The following LRRK1 variants were observed in gnomAD, a reference collection of about 807,000 sequenced individuals.
LRRK1 encodes leucine-rich repeat serine/threonine-protein kinase 1.
A neutral mutation model predicts 209.1 loss-of-function variants in LRRK1; 113 were observed. The observed-to-expected ratio is 0.54, with a 90% CI of 0.46 to 0.63. LRRK1 has a LOEUF of 0.63. Among genes scored for constraint, LRRK1 ranks in the 30% least tolerant of loss-of-function variants. LRRK1 has a pLI of 0.00. For synonymous variants in LRRK1, 1,144 were observed against 1,099.7 expected (o/e 1.04, Z -0.80); for missense variants, 2,284 against 2,632.2 (o/e 0.87, Z 2.89).
rs145072406 is a variant in LRRK1, at chr15:100,989,357, A to C, written c.721A>C (p.Ile241Leu). 1.0e-4 allele frequency: 166 copies of C among 1,614,238 alleles called. No individual in the cohort carries two copies. In the African/African-American group the frequency reaches 2.0e-3, roughly 20 times the overall value. Residue 241 changes from isoleucine to leucine, a missense_variant, in exon 6 of 34, where the codon ATT (isoleucine) becomes CTT (leucine). This residue lies in a region of LRRK1 where 494 missense variants were observed against 522.1 expected (regional missense o/e 0.95). Coordinates refer to ENST00000388948, the MANE Select transcript of LRRK1 (RefSeq NM_024652.6). ...PSKHLLRKYF[I>L]EASPLPSSYP... ...CAAACATCTGCTGAGAAAGTACTTCATTGAAGCCAGTCCCTTGCCCAGCAG... is the reference window on the plus strand; with the variant it reads ...CAAACATCTGCTGAGAAAGTACTTCCTTGAAGCCAGTCCCTTGCCCAGCAG...
At position 101,077,040 on chromosome 15, in the gene LRRK1, AG is replaced by A. The variant is rs1428087815; in HGVS notation, c.*8194del. 2 of 152,196 alleles carry A rather than the reference AG, an allele frequency of 1.3e-5. No individual in the cohort carries two copies. The highest frequency in any genetic ancestry group is 2.4e-5 in the African/African-American group (1 of 41,444). The allele number at this position is 152,196 out of a possible 1,614,324, so 9.4% of individuals were successfully genotyped here. On this transcript the variant is annotated 3_prime_UTR_variant, in exon 34 of 34. Coordinates refer to ENST00000388948, the MANE Select transcript of LRRK1 (RefSeq NM_024652.6). The stretch of plus-strand genomic sequence containing the variant: ...ATATCCCTTACAGTCCTCAGCCTTC[AG>A]GAAAGGTAGAACGGACTAATGATCT...
At chr15:101,047,791 G>A (rs1475617640) in intron 21 of LRRK1, among the ~76,000 whole-genome samples, 2 of 152,174 alleles carry the variant, frequency 1.3e-5, no homozygotes, top group African/African-American at 2.4e-5. Context: ...GCTTTAAAAC[G>A]ATCAGACCCT....
rs765824865 is a variant in LRRK1 at position 101,065,825 on chromosome 15, C to T, written c.5388C>T (p.Pro1796=). The T allele has an allele frequency of 6.2e-7, 1 of 1,613,956 alleles. No homozygotes were observed. Among genetic ancestry groups the T allele is most frequent in the African/African-American group, 1.3e-5 (1 of 74,916 alleles). ...MFPVRPLDTE[P]PAASHTANPK... ...CCGTGCGGCCCTTGGACACGGAACC[C>T]CCGGCAGCCAGCCACACGGCCAACC... Residue 1796 remains proline (P), a synonymous_variant, in exon 32 of 34, where the codon CCC becomes CCT. Transcript: ENST00000388948.
At chr15:101,015,988 CTTT>C (rs112045047) in intron 12 of LRRK1, among the ~76,000 whole-genome samples, 1 of 143,290 alleles carries the variant, frequency 7.0e-6, no homozygotes, top group Non-Finnish European at 1.5e-5. Flanking sequence ...TCTTCCTCTT[CTTT>C]TTTTTTTTTT....
chr15:101,066,253 C>T (rs1251323897), intron 32 of LRRK1, 48 bp downstream of exon 32: 2 of 1,556,634 alleles, frequency 1.3e-6, no homozygotes, highest in Non-Finnish European at 8.7e-7. Flanking sequence ...CCCACTGCTC[C>T]TGCTCTGGGG....
At chr15:100,975,834 A>G (rs2141656029) in intron 3 of LRRK1, among the ~76,000 whole-genome samples, 1 of 152,324 alleles carries the variant, frequency 6.6e-6, no homozygotes, top group South Asian at 2.1e-4. Context: ...ATGAAACTGT[A>G]AAAATAATTT....
intron 3 of LRRK1, among the ~76,000 whole-genome samples, chr15:100,977,690 C>T (rs1206153175): frequency 6.6e-6 from 1 of 152,182 alleles, no homozygotes; most frequent in Non-Finnish European, 1.5e-5. Context: ...GATTTCCACC[C>T]CACCAGGCAG....
chr15:100,990,188 G>A (rs1444266743), intron 6 of LRRK1, among the ~76,000 whole-genome samples: 1 of 151,970 alleles, frequency 6.6e-6, no homozygotes, highest in African/African-American at 2.4e-5. Context: ...CTTCAACTTG[G>A]CTTTTTAAAT....
intron 32 of LRRK1, 37 bp downstream of exon 32, chr15:101,066,242 G>A (rs747218357): frequency 6.4e-6 from 10 of 1,566,770 alleles, no homozygotes; most frequent in Middle Eastern, 2.0e-4. Context: ...TCCAGGGCAC[G>A]CCCACTGCTC....
chr15:100,928,403 G>T lies in LRRK1; in HGVS notation c.97+3674G>T, dbSNP rs976762790. ...CACCTTCTCCTAGACTTCCTGGGAT[G>T]ATAGGGAGCCCTGTTTCCCCTCTCC... On this transcript the variant is annotated intron_variant, in intron 2 of 33. Coordinates refer to ENST00000388948, the MANE Select transcript of LRRK1 (RefSeq NM_024652.6). Among the ~76,000 whole-genome samples the T allele has an allele frequency of 1.3e-5, 2 of 152,182 alleles. 1 individual carries two copies. The highest frequency in any genetic ancestry group is 1.3e-4 in the Admixed American group (2 of 15,284).
chr15:101,016,950 A>G (rs2033566492), intron 12 of LRRK1, among the ~76,000 whole-genome samples: 1 of 152,220 alleles, frequency 6.6e-6, no homozygotes, highest in Non-Finnish European at 1.5e-5. Flanking sequence ...CAGAGAGTAC[A>G]TCTAGGTAAA....
intron 20 of LRRK1, among the ~76,000 whole-genome samples, chr15:101,042,827 A>C (rs1949691890): frequency 6.6e-6 from 1 of 152,206 alleles, no homozygotes; most frequent in African/African-American, 2.4e-5. Context: ...AACCAAGTGT[A>C]GTGTTGGCTT....
At chr15:100,954,992 G>A (rs563319278) in intron 2 of LRRK1, among the ~76,000 whole-genome samples, 3 of 149,132 alleles carry the variant, frequency 2.0e-5, no homozygotes, top group Admixed American at 6.8e-5. Context: ...ATTGGGGGTC[G>A]TCTGTGGTTC....
At chr15:101,048,406 TG>T in intron 21 of LRRK1, 87 bp from the exon 22 acceptor site, 1 of 1,201,206 alleles carries the variant, frequency 8.3e-7, no homozygotes, top group Non-Finnish European at 1.2e-6. Context: ...TTTATCAAGA[TG>T]GGGCCCAGCC....
At chr15:100,926,680 C>CTTTTTTTTTTTTTTTT (rs71151990) in intron 2 of LRRK1, among the ~76,000 whole-genome samples, 4 of 81,846 alleles carry the variant, frequency 4.9e-5, no homozygotes, top group Non-Finnish European at 6.5e-5. Flanking sequence ...TTCTTTTTTT[C>CTTTTTTTTTTTTTTTT]TTTTTTTTTT....
At position 101,025,998 on chromosome 15, in the gene LRRK1, G is replaced by A. The variant is rs760948329; in HGVS notation, c.2266G>A (p.Gly756Arg). Residue 756 changes from glycine to arginine, a missense_variant, in exon 17 of 34, where the codon GGG (glycine) becomes AGG (arginine). Physicochemically the swap from Gly to Arg is moderately radical, Grantham distance 125. This residue lies in a region of LRRK1 where 780 missense variants were observed against 985.2 expected (regional missense o/e 0.79). Transcript: ENST00000388948. ...KAPNAVVLVVGTHLDLIEAKF... is the reference protein window; with the variant it reads ...KAPNAVVLVVRTHLDLIEAKF... ...CCCAAACGCCGTGGTGCTGGTGGTC[G>A]GGACGCACCTGGATTTAATTGAAGC... The A allele has an allele frequency of 1.1e-5, 17 of 1,614,204 alleles. No individual in the cohort carries two copies. The highest frequency in any genetic ancestry group is 1.4e-5 in the Non-Finnish European group (16 of 1,180,044).
intron 31 of LRRK1, chr15:101,064,468 TGGGAGGTGCCCC>T (rs1427427961): frequency 1.3e-5 from 2 of 152,938 alleles, no homozygotes; most frequent in Admixed American, 6.5e-5. Flanking sequence ...GGCTCTGCCC[TGGGAGGTGCCCC>T]GGGGCGGTCT....
rs1555460611 is a variant in LRRK1, at chr15:100,956,450, T to TTTTTCTTTTTCTTTTC, written c.98-17344_98-17343insCTTTTCTTTTCTTTTT. Among the ~76,000 whole-genome samples the TTTTTCTTTTTCTTTTC allele has an allele frequency of 8.6e-3, 555 of 64,464 alleles. 4 individuals are homozygous for TTTTTCTTTTTCTTTTC. Among genetic ancestry groups the TTTTTCTTTTTCTTTTC allele is most frequent in the East Asian group, 0.021 (42 of 2,022 alleles). 42.3% of individuals were successfully genotyped at this position (64,464 alleles called of 152,430 possible). On this transcript the variant is annotated intron_variant, in intron 2 of 33. Transcript: ENST00000388948. ...TTACTTTCGCTTTTCTTTCCTTTTTTTTTTCTTTTTTTTTTTTTTTTTTGA... is the reference window on the plus strand; with the variant it reads ...TTACTTTCGCTTTTCTTTCCTTTTTTTTTTCTTTTTCTTTTCTTTTCTTTTTTTTTTTTTTTTTTGA...
chr15:101,005,554 C>T lies in LRRK1; in HGVS notation c.763-3283C>T, dbSNP rs113061599. Among the ~76,000 whole-genome samples the T allele has an allele frequency of 9.6e-3, 1,465 of 152,272 alleles. 28 individuals carry two copies. The highest frequency in any genetic ancestry group is 0.034 in the African/African-American group (1,401 of 41,554). ...ATCAATGGGCTGAAAAGCAGTGACA[C>T]CCCAGCGGTGATGAGCACACCTCAC... On this transcript the variant is annotated intron_variant, in intron 6 of 33. Coordinates refer to ENST00000388948, the MANE Select transcript of LRRK1 (RefSeq NM_024652.6).
Sources: gnomAD v4.1 joint callset for allele counts (sites outside exome capture counted in the v4.1 genomes callset) on GRCh38, gnomAD v4.1.1 for gene constraint, gnomAD v4.1.1 regional missense constraint, MANE v1.5 for transcripts, NCBI Gene and HGNC (gene_info 2026-07-23, HGNC 2026-07-21) for gene names.